Variants in MROH2B observed in about 807,000 individuals in gnomAD.
The protein encoded by MROH2B is maestro heat-like repeat-containing protein family member 2B.
Under a neutral mutation model 208.6 loss-of-function variants are expected in MROH2B, and 177 were observed. The ratio of observed to expected loss-of-function variants is 0.85; its 90% CI spans 0.75 to 0.96. The LOEUF is 0.96. MROH2B is among the 40% of genes least tolerant of loss of function. The pLI is 0.00. For missense variants in MROH2B, 2,002 were observed against 1,878.7 expected (o/e 1.07, Z -1.21); for synonymous variants, 728 against 659.0 (o/e 1.10, Z -1.60).
chr5:41,063,928 G>T (rs1348555234), intron 5 of MROH2B, among the ~76,000 whole-genome samples: 1 of 152,188 alleles, frequency 6.6e-6, no homozygotes, highest in Admixed American at 6.5e-5. Context: ...TGTGACCACA[G>T]TTTGCTTGCC....
At chr5:41,055,527 T>C (rs1006942393) in intron 10 of MROH2B, among the ~76,000 whole-genome samples, 39 of 144,976 alleles carry the variant, frequency 2.7e-4, no homozygotes, top group Admixed American at 1.6e-3. Flanking sequence ...TCTTCTCAAC[T>C]GGGTGCATCC....
At position 41,039,622 on chromosome 5, in the gene MROH2B, C is replaced by G. The variant is rs1742881699; in HGVS notation, c.1954-67G>C. 4.5e-6 allele frequency: 5 copies of G among 1,122,698 alleles called. No individual in the cohort carries two copies. The African/African-American group carries it at 6.2e-5, about 14-fold the overall frequency. The allele number at this position is 1,122,698 out of a possible 1,614,324, so 69.5% of individuals were successfully genotyped here. A position where few individuals can be genotyped will look rare whatever the true frequency, so the allele number is the denominator to read the frequency against. ...ATTTATTCAACAAATATTTACTGAG[C>G]ACCTATTATGTGCCAGGTATCCTTT... On this transcript the variant is annotated intron_variant, in intron 19 of 41. Coordinates refer to ENST00000399564, the MANE Select transcript of MROH2B (RefSeq NM_173489.5).
Position 41,038,912 on chromosome 5 carries a change from T to C in MROH2B, c.2062-24A>G, listed in dbSNP as rs780867710. 1.5e-5 allele frequency: 23 copies of C among 1,582,918 alleles called. 1 individual carries two copies. Among genetic ancestry groups the C allele is most frequent in the East Asian group, 1.1e-4 (5 of 44,578 alleles). On this transcript the variant is annotated intron_variant, in intron 20 of 41. Transcript: ENST00000399564. ...CTCTGAAGACCAGGAAAGGGAGACA[T>C]GAAAAATGTGACTGAAGGAGTTCTA... is the stretch of plus-strand genomic sequence containing the variant.
intron 20 of MROH2B, 83 bp from the exon 21 acceptor site, chr5:41,038,971 C>T (rs1161041829): frequency 6.3e-6 from 8 of 1,277,474 alleles, no homozygotes; most frequent in Middle Eastern, 1.9e-4. Context: ...ATCCTGTGGA[C>T]CACTATAGGG....
At chr5:41,017,166 A>G (rs1159395570) in intron 28 of MROH2B, among the ~76,000 whole-genome samples, 1 of 152,232 alleles carries the variant, frequency 6.6e-6, no homozygotes, top group Non-Finnish European at 1.5e-5. Flanking sequence ...AACTGCACAC[A>G]CACAACGTAG....
At chr5:41,038,078 G>A (rs1041830767) in intron 21 of MROH2B, among the ~76,000 whole-genome samples, 1 of 152,164 alleles carries the variant, frequency 6.6e-6, no homozygotes, top group African/African-American at 2.4e-5. Flanking sequence ...GATGAATGTG[G>A]AGGGGGAAAC....
At chr5:41,064,797 A>T (rs780564625) in intron 4 of MROH2B, among the ~76,000 whole-genome samples, 10 of 152,192 alleles carry the variant, frequency 6.6e-5, no homozygotes, top group Non-Finnish European at 1.2e-4. Context: ...CTACACAGCC[A>T]CTTGTACCTC....
At chr5:41,054,135 A>G (rs1405175111) in intron 11 of MROH2B, among the ~76,000 whole-genome samples, 1 of 152,082 alleles carries the variant, frequency 6.6e-6, no homozygotes, top group East Asian at 1.9e-4. Flanking sequence ...GTGAGCCAGC[A>G]CACTTGGCTA....
chr5:41,041,448 G>T (rs907391462), intron 19 of MROH2B, among the ~76,000 whole-genome samples: 1 of 151,990 alleles, frequency 6.6e-6, no homozygotes, highest in Admixed American at 6.6e-5. Context: ...CCAACATGGC[G>T]AAACCCTATC....
chr5:41,011,658 A>AT (rs1311551926), intron 30 of MROH2B, among the ~76,000 whole-genome samples: 1 of 145,552 alleles, frequency 6.9e-6, no homozygotes, highest in Non-Finnish European at 1.5e-5. Flanking sequence ...TTAGTGAAAG[A>AT]TTTTTTCCTT....
chr5:41,008,456 G>T (rs188958389), intron 33 of MROH2B, 150 bp downstream of exon 33: 1 of 789,628 alleles, frequency 1.3e-6, no homozygotes, highest in Non-Finnish European at 1.9e-6. Flanking sequence ...ATGGTGTCAC[G>T]GCTTAGGGAG....
In MROH2B at chr5:41,032,803, G is replaced by GT. The variant is rs1742617130; in HGVS notation, c.2379_2380insA (p.Pro794ThrfsTer7). 4 of 1,612,230 alleles carry GT rather than the reference G, an allele frequency of 2.5e-6. No homozygotes were observed. Among genetic ancestry groups the GT allele is most frequent in the Non-Finnish European group, 3.4e-6 (4 of 1,179,018 alleles). On this transcript the variant is annotated frameshift_variant, in exon 24 of 42. Transcript: ENST00000399564. LOFTEE classifies it high-confidence loss of function. ...ATAGGGCTAGCTAAGGAATCCAGGG[G>GT]CTCGTCTCTAATGAAGTCCTGAAAC... is the stretch of plus-strand genomic sequence containing the variant.
At position 41,069,885 on chromosome 5, in the gene MROH2B, T is replaced by C. The variant is rs1743932485; in HGVS notation, c.29-133A>G. On this transcript the variant is annotated intron_variant, in intron 1 of 41. Coordinates refer to ENST00000399564, the MANE Select transcript of MROH2B (RefSeq NM_173489.5). ...TCTCTCTCCCTTGACTGCTAGCTCT[T>C]TGATGGCAGGAACTGTTTTATTCAT... is the stretch of plus-strand genomic sequence containing the variant. The C allele has an allele frequency of 7.6e-6, 5 of 656,290 alleles. No individual in the cohort carries two copies. In the South Asian group the frequency reaches 9.8e-5, roughly 13 times the overall value. 40.7% of individuals were successfully genotyped at this position (656,290 alleles called of 1,614,324 possible). A position where few individuals can be genotyped will look rare whatever the true frequency, so the allele number is the denominator to read the frequency against.
chr5:41,066,460 G>C (rs1743818336), intron 3 of MROH2B, among the ~76,000 whole-genome samples: 1 of 152,160 alleles, frequency 6.6e-6, no homozygotes, highest in African/African-American at 2.4e-5. Context: ...TCAGAGTTCA[G>C]GGCCAACCAG....
At chr5:41,004,735 C>G (rs1358298600) in intron 36 of MROH2B, 39 bp downstream of exon 36, 1 of 1,592,622 alleles carries the variant, frequency 6.3e-7, no homozygotes, top group Admixed American at 1.8e-5. Flanking sequence ...TTTCAAAACT[C>G]TACTTAAATG....
chr5:41,043,581 T>C (rs1451005504), intron 18 of MROH2B, among the ~76,000 whole-genome samples: 2 of 152,210 alleles, frequency 1.3e-5, no homozygotes. Flanking sequence ...GTCCAGTGCA[T>C]AGTACATCCC....
chr5:41,000,826 T>A lies in MROH2B; in HGVS notation c.4202A>T (p.Asp1401Val), dbSNP rs199920325. 3.8e-4 allele frequency: 616 copies of A among 1,610,414 alleles called. 1 individual carries two copies. The highest frequency in any genetic ancestry group is 3.3e-4 in the Non-Finnish European group (385 of 1,178,398). Residue 1401 changes from aspartate (D) to valine (V), a missense_variant, in exon 38 of 42, where the codon GAT becomes GTT. Coordinates refer to ENST00000399564, the MANE Select transcript of MROH2B (RefSeq NM_173489.5). ...QTRTFFEDEQ[D>V]DVRLTAIFLF... ...GAAGATGGCAGTCAATCTCACATCATCCTGCTCCTGTGGTGACGAATGCAT... is the reference window on the plus strand; with the variant it reads ...GAAGATGGCAGTCAATCTCACATCAACCTGCTCCTGTGGTGACGAATGCAT...
chr5:41,060,968 C>G (rs1324728505), intron 6 of MROH2B, among the ~76,000 whole-genome samples: 2 of 151,918 alleles, frequency 1.3e-5, no homozygotes, highest in Admixed American at 1.3e-4. Context: ...ACCATTTAGC[C>G]TGCTTAAAAA....
At chr5:41,067,836 G>T (rs1354759588) in intron 2 of MROH2B, among the ~76,000 whole-genome samples, 1 of 152,164 alleles carries the variant, frequency 6.6e-6, no homozygotes. Flanking sequence ...ACTGTTGTGG[G>T]ACACTCAGGG....
Sources: allele counts gnomAD v4.1 joint callset (sites outside exome capture counted in the v4.1 genomes callset), GRCh38; gene constraint gnomAD v4.1.1; transcripts MANE v1.5; gene names NCBI Gene and HGNC (gene_info 2026-07-23, HGNC 2026-07-21).